Variants in CACNA2D3 observed in about 807,000 individuals in gnomAD.
CACNA2D3 encodes calcium voltage-gated channel auxiliary subunit alpha2delta 3, also known as voltage-dependent calcium channel subunit alpha-2/delta-3.
In CACNA2D3, 60 loss-of-function variants were observed where a neutral mutation model predicts 160.6. The ratio of observed to expected loss-of-function variants is 0.37; its 90% CI spans 0.30 to 0.46. The LOEUF (loss-of-function observed/expected upper bound fraction) is 0.46. Ranked by LOEUF, CACNA2D3 falls within the 20% of genes least tolerant of loss-of-function variation. CACNA2D3 has a pLI of 1.00. For missense variants in CACNA2D3, 1,205 were observed against 1,365.0 expected, an observed-to-expected ratio of 0.88 and a Z score of 1.85; for synonymous variants, 558 against 492.9, an observed-to-expected ratio of 1.13 and a Z score of -1.75.
At chr3:54,405,297 A>T (rs1015039989) in intron 4 of CACNA2D3, among the ~76,000 whole-genome samples, 2 of 146,442 alleles carry the variant, frequency 1.4e-5, no homozygotes, top group Non-Finnish European at 3.0e-5. Flanking sequence ...AAAAAGTTGG[A>T]GGCTTCACAT....
chr3:54,186,844 T>G (rs11717277), intron 2 of CACNA2D3, among the ~76,000 whole-genome samples: 30,036 of 152,098 alleles, frequency 0.2, 3,053 homozygotes, highest in South Asian at 0.25. Context: ...GGCCTCTCCA[T>G]CTCTGAAGCC....
At chr3:54,335,271 T>G (rs1229966804) in intron 3 of CACNA2D3, among the ~76,000 whole-genome samples, 1 of 152,020 alleles carries the variant, frequency 6.6e-6, no homozygotes, top group Non-Finnish European at 1.5e-5. Flanking sequence ...TCAGGGCGAG[T>G]CCATAAAGTA....
intron 24 of CACNA2D3, 72 bp downstream of exon 24, chr3:54,888,124 A>T: frequency 8.2e-7 from 1 of 1,214,724 alleles, no homozygotes. Context: ...TTATGGTTTA[A>T]AGAACTAAAC....
chr3:54,161,858 C>T lies in CACNA2D3; in HGVS notation c.204+38264C>T, dbSNP rs544980187. ...CTCCTCATTTTCTGACACAAAACAG[C>T]GATGATTGCTCCTTGGGGAGTCACC... On this transcript the variant is annotated intron_variant, in intron 2 of 37. Transcript: ENST00000474759. 2.6e-4 allele frequency among the ~76,000 whole-genome samples: 40 copies of T among 152,292 alleles called. 2 individuals carry two copies. In the South Asian group the frequency reaches 6.4e-3, roughly 24 times the overall value.
chr3:54,585,283 G>C (rs931272060), intron 9 of CACNA2D3, among the ~76,000 whole-genome samples: 1 of 152,144 alleles, frequency 6.6e-6, no homozygotes, highest in Non-Finnish European at 1.5e-5. Context: ...CTATACTTCA[G>C]TGGAAATGGT....
intron 3 of CACNA2D3, among the ~76,000 whole-genome samples, chr3:54,353,562 GT>G (rs1336813146): frequency 1.3e-5 from 2 of 151,996 alleles, no homozygotes; most frequent in African/African-American, 4.8e-5. Context: ...ATTCTGATGA[GT>G]TATCTAGCAT....
At chr3:55,068,869 G>A (rs529461233) in intron 35 of CACNA2D3, among the ~76,000 whole-genome samples, 17 of 152,286 alleles carry the variant, frequency 1.1e-4, no homozygotes, top group African/African-American at 4.1e-4. Flanking sequence ...ACTTTACTGA[G>A]AAGTAAAACT....
At chr3:54,184,632 G>C (rs1246130918) in intron 2 of CACNA2D3, among the ~76,000 whole-genome samples, 1 of 152,216 alleles carries the variant, frequency 6.6e-6, no homozygotes, top group Non-Finnish European at 1.5e-5. Context: ...CATCCCATGG[G>C]GAAGTACTTT....
chr3:54,918,578 C>A lies in CACNA2D3; in HGVS notation c.2449+18710C>A, dbSNP rs1700734079. ...GCCGCATAGGTGCAGCCATAGATGG[C>A]AGCTGCCAACATCATGAGACACACA... On this transcript the variant is annotated intron_variant, in intron 27 of 37. Coordinates refer to ENST00000474759, the MANE Select transcript of CACNA2D3 (RefSeq NM_018398.3). The A allele has an allele frequency of 1.2e-5, 19 of 1,614,122 alleles. No individual in the cohort carries two copies. In the East Asian group the frequency reaches 4.2e-4, roughly 36 times the overall value.
chr3:54,318,743 G>A (rs1020548700), intron 2 of CACNA2D3, among the ~76,000 whole-genome samples: 1 of 145,304 alleles, frequency 6.9e-6, no homozygotes, highest in Admixed American at 7.0e-5. Flanking sequence ...CACCCAGGCT[G>A]GAGTACAGTG....
intron 35 of CACNA2D3, among the ~76,000 whole-genome samples, chr3:55,025,709 G>A (rs566764620): frequency 6.7e-6 from 1 of 150,236 alleles, no homozygotes; most frequent in Admixed American, 6.6e-5. Context: ...GTCTGTTTTA[G>A]CTCTCTAATA....
chr3:54,409,384 C>T (rs1048471177), intron 4 of CACNA2D3, among the ~76,000 whole-genome samples: 2 of 152,282 alleles, frequency 1.3e-5, no homozygotes, highest in African/African-American at 4.8e-5. Flanking sequence ...TGGACTGTCC[C>T]ACCAACCAGC....
chr3:54,715,227 CACTTT>C (rs113509734), intron 11 of CACNA2D3, among the ~76,000 whole-genome samples: 4 of 152,292 alleles, frequency 2.6e-5, no homozygotes, highest in South Asian at 2.1e-4. Context: ...CTCAGGGAAA[CACTTT>C]ACTTATAATA....
At chr3:55,042,372 C>T (rs1326574828) in intron 35 of CACNA2D3, among the ~76,000 whole-genome samples, 2 of 151,976 alleles carry the variant, frequency 1.3e-5, no homozygotes, top group Non-Finnish European at 2.9e-5. Flanking sequence ...TCTTGGTTAT[C>T]TTATTTTCTG....
intron 2 of CACNA2D3, among the ~76,000 whole-genome samples, chr3:54,153,829 T>TG (rs1398351961): frequency 6.6e-6 from 1 of 152,246 alleles, no homozygotes; most frequent in Non-Finnish European, 1.5e-5. Flanking sequence ...GGTTGCCACT[T>TG]GCATTCTAAA....
chr3:54,314,324 G>A (rs897602301), intron 2 of CACNA2D3, among the ~76,000 whole-genome samples: 3 of 152,158 alleles, frequency 2.0e-5, no homozygotes, highest in Admixed American at 2.0e-4. Flanking sequence ...TATTTGGGTT[G>A]GTTCCACAAT....
At chr3:54,577,829 C>G (rs776879358) in intron 8 of CACNA2D3, among the ~76,000 whole-genome samples, 1 of 152,136 alleles carries the variant, frequency 6.6e-6, no homozygotes, top group Non-Finnish European at 1.5e-5. Flanking sequence ...GATTTGAACC[C>G]GGGCCTGCCT....
intron 27 of CACNA2D3, among the ~76,000 whole-genome samples, chr3:54,917,456 C>A (rs1700688834): frequency 6.6e-6 from 1 of 152,250 alleles, no homozygotes; most frequent in South Asian, 2.1e-4. Flanking sequence ...AGTAGACAAT[C>A]TGGGTGGTGG....
At chr3:54,184,625 C>T (rs538809245) in intron 2 of CACNA2D3, among the ~76,000 whole-genome samples, 1 of 152,308 alleles carries the variant, frequency 6.6e-6, no homozygotes, top group Admixed American at 6.5e-5. Context: ...AATGGGCCAT[C>T]CCATGGGGAA....
Sources: gnomAD v4.1 joint callset for allele counts (sites outside exome capture counted in the v4.1 genomes callset) on GRCh38, gnomAD v4.1.1 for gene constraint, MANE v1.5 for transcripts, NCBI Gene and HGNC (gene_info 2026-07-23, HGNC 2026-07-21) for gene names.